Variants in SCN10A observed in about 807,000 individuals in gnomAD.
SCN10A encodes the protein sodium voltage-gated channel alpha subunit 10.
SCN10A carries 162 observed loss-of-function variants against 170.7 expected under a neutral mutation model. The ratio of observed to expected loss-of-function variants is 0.95; its 90% CI spans 0.84 to 1.08. SCN10A has a LOEUF of 1.08. SCN10A is among the 50% of genes least tolerant of loss of function. SCN10A has a pLI of 0.00. For missense variants in SCN10A, 2,527 were observed against 2,436.9 expected (o/e 1.04, Z -0.78); for synonymous variants, 985 against 904.6 (o/e 1.09, Z -1.59).
rs1263946534 is a variant in SCN10A, at chr3:38,752,367, G to A, written c.1607C>T (p.Ser536Phe). Reference protein sequence around the residue: ...FPGDHESHRGSLLLGGGAGQQ... With the variant: ...FPGDHESHRGFLLLGGGAGQQ... ...GCCAGCACCCCCACCCAGCAGCAGA[G>A]AGCCCCGATGGCTTTCGTGGTCTCC... The change falls in exon 12 of 28, where the codon TCT (serine) becomes TTT (phenylalanine). Residue 536 changes from serine (S) to phenylalanine (F), a missense_variant. Physicochemically the swap from Ser to Phe is radical, Grantham distance 155. Transcript: ENST00000449082. 2.5e-6 allele frequency: 4 copies of A among 1,613,964 alleles called. No homozygotes were observed. The highest frequency in any genetic ancestry group is 3.4e-6 in the Non-Finnish European group (4 of 1,179,942).
At position 38,788,004 on chromosome 3, in the gene SCN10A, T is replaced by C. The variant is rs543651491; in HGVS notation, c.470+952A>G. 2.0e-5 allele frequency among the ~76,000 whole-genome samples: 3 copies of C among 152,212 alleles called. No individual in the cohort carries two copies. The South Asian group carries it at 6.2e-4, about 32-fold the overall frequency. On this transcript the variant is annotated intron_variant, in intron 4 of 27. Coordinates refer to ENST00000449082, the MANE Select transcript of SCN10A (RefSeq NM_006514.4). ...CTGCAAAGGACATGAACTCATCCTT[T>C]TTTATGACTGCATAGCATTCCATGG...
chr3:38,753,704 T>A (rs1353281867), intron 11 of SCN10A, among the ~76,000 whole-genome samples: 1 of 152,186 alleles, frequency 6.6e-6, no homozygotes, highest in Non-Finnish European at 1.5e-5. Flanking sequence ...AATACTACAT[T>A]ATTTGCACTT....
intron 15 of SCN10A, among the ~76,000 whole-genome samples, chr3:38,734,469 C>T (rs2063540234): frequency 1.3e-5 from 2 of 152,188 alleles, no homozygotes; most frequent in Admixed American, 6.5e-5. Flanking sequence ...CAAACTAAAT[C>T]TTCCAATGTA....
chr3:38,698,637 T>C, intron 27 of SCN10A, 75 bp from the exon 28 acceptor site: 1 of 1,426,210 alleles, frequency 7.0e-7, no homozygotes, highest in Non-Finnish European at 9.7e-7. Context: ...GTGATGACAC[T>C]CTGCTTTGCT....
intron 15 of SCN10A, among the ~76,000 whole-genome samples, chr3:38,736,977 T>TG (rs1445021972): frequency 2.8e-5 from 3 of 108,716 alleles, no homozygotes; most frequent in African/African-American, 7.3e-5. Flanking sequence ...TTTTTTTTTT[T>TG]TTTTTTTTTT....
chr3:38,709,353 C>T, intron 25 of SCN10A, 125 bp downstream of exon 25: 1 of 977,538 alleles, frequency 1.0e-6, no homozygotes, highest in South Asian at 1.9e-5. Flanking sequence ...AGGGTTAGCA[C>T]TGATATTAAA....
chr3:38,709,595 C>T lies in SCN10A; in HGVS notation c.4164G>A (p.Trp1388Ter), dbSNP rs756253735. Residue 1388 changes from tryptophan (W) to a stop codon, truncating the protein, a stop_gained, in exon 25 of 28, where the codon TGG (tryptophan) becomes TGA (stop). Coordinates refer to ENST00000449082, the MANE Select transcript of SCN10A (RefSeq NM_006514.4). LOFTEE classifies it high-confidence loss of function. ...ACAAATACATGTACACGTTGTCCTCCCACTTGGGTTGCATGTTGACCTGTG... is the reference window on the plus strand; with the variant it reads ...ACAAATACATGTACACGTTGTCCTCTCACTTGGGTTGCATGTTGACCTGTG... ...DSREVNMQPK[W>*]EDNVYMYLYF... 1.6e-5 allele frequency: 25 copies of T among 1,606,000 alleles called. 1 individual carries two copies. The highest frequency in any genetic ancestry group is 2.0e-5 in the Non-Finnish European group (24 of 1,176,262).
At chr3:38,699,207 T>G (rs1021786928) in intron 27 of SCN10A, among the ~76,000 whole-genome samples, 1 of 151,844 alleles carries the variant, frequency 6.6e-6, no homozygotes, top group Non-Finnish European at 1.5e-5. Flanking sequence ...TGTTTTTTTT[T>G]TTTTTTTTTC....
chr3:38,757,463 G>A (rs953642812), intron 8 of SCN10A, among the ~76,000 whole-genome samples: 5 of 152,226 alleles, frequency 3.3e-5, no homozygotes, highest in Non-Finnish European at 5.9e-5. Context: ...ATGAGAGTCA[G>A]TAGCAATAAC....
At chr3:38,748,192 G>A (rs576055087) in intron 13 of SCN10A, among the ~76,000 whole-genome samples, 1 of 152,200 alleles carries the variant, frequency 6.6e-6, no homozygotes, top group Admixed American at 6.5e-5. Context: ...CAAAAACCAA[G>A]AAACCTATCT....
intron 4 of SCN10A, among the ~76,000 whole-genome samples, chr3:38,774,683 C>G (rs1389889378): frequency 6.6e-6 from 1 of 152,178 alleles, no homozygotes; most frequent in African/African-American, 2.4e-5. Context: ...AGATACCCAA[C>G]TTGTATTCAT....
chr3:38,760,438 C>G (rs973292350), intron 8 of SCN10A, among the ~76,000 whole-genome samples: 1 of 152,212 alleles, frequency 6.6e-6, no homozygotes, highest in Admixed American at 6.5e-5. Flanking sequence ...AATGCTGATG[C>G]ACAGAATCAT....
At position 38,752,777 on chromosome 3, in the gene SCN10A, T is replaced by C. The variant is rs7431144; in HGVS notation, c.1462-265A>G. On this transcript the variant is annotated intron_variant, in intron 11 of 27. Coordinates refer to ENST00000449082, the MANE Select transcript of SCN10A (RefSeq NM_006514.4). ...ATGCTCAGCAAATAGGTTATCATGG[T>C]CAGGAACATGTCAGAGGAAACCTTG... 0.17 allele frequency among the ~76,000 whole-genome samples: 26,317 copies of C among 152,164 alleles called. 3,366 individuals are homozygous for C. Among genetic ancestry groups the C allele is most frequent in the East Asian group, 0.39 (1,999 of 5,164 alleles).
At chr3:38,763,629 A>C (rs1415957809) in intron 5 of SCN10A, 33 bp from the exon 6 acceptor site, 13 of 1,527,264 alleles carry the variant, frequency 8.5e-6, no homozygotes, top group Non-Finnish European at 1.2e-5. Context: ...GCATCTCTGC[A>C]AGCAAGGGTC....
rs1237016409 is a variant in SCN10A at position 38,697,087 on chromosome 3, T to A, written c.*262A>T. 3.3e-5 allele frequency: 17 copies of A among 510,680 alleles called. No homozygotes were observed. Among genetic ancestry groups the A allele is most frequent in the Admixed American group, 1.3e-4 (4 of 30,128 alleles). 31.6% of individuals were successfully genotyped at this position (510,680 alleles called of 1,614,324 possible). A position where few individuals can be genotyped will look rare whatever the true frequency, so the allele number is the denominator to read the frequency against. Reference sequence around the variant, plus strand: ...AAATAAAAGGACAAGGGATATTTTCTGGAGAGTAAGAGAACCCATGATCTG... The same window carrying A: ...AAATAAAAGGACAAGGGATATTTTCAGGAGAGTAAGAGAACCCATGATCTG... On this transcript the variant is annotated 3_prime_UTR_variant, in exon 28 of 28. Transcript: ENST00000449082.
chr3:38,745,811 C>T (rs73826323), intron 13 of SCN10A, among the ~76,000 whole-genome samples: 6,467 of 151,950 alleles, frequency 0.043, 221 homozygotes, highest in East Asian at 0.15. Context: ...AATTTTTACT[C>T]TTGGCTCTGC....
chr3:38,770,218 C>T (rs1323291873), intron 5 of SCN10A, among the ~76,000 whole-genome samples: 1 of 152,152 alleles, frequency 6.6e-6, no homozygotes, highest in Non-Finnish European at 1.5e-5. Flanking sequence ...TTCAAGAGAG[C>T]ACTAGTGCAT....
Position 38,792,107 on chromosome 3 carries a change from C to T in SCN10A, c.332G>A (p.Trp111Ter). Residue 111 changes from tryptophan (W) to a stop codon, truncating the protein, a stop_gained, in exon 3 of 28, where the codon TGG becomes TAG. Transcript: ENST00000449082. LOFTEE classifies it high-confidence loss of function. ...GATCAGGTTGAAAGGACTGAATAGC[C>T]ACAGGGCCCGAGTGGCACTAAACCG... ...ISRFSATRAL[W>*]LFSPFNLIRR... is the part of the protein sequence containing the mutation. 6.2e-7 allele frequency: 1 copy of T among 1,613,882 alleles called. No individual in the cohort carries two copies. The highest frequency in any genetic ancestry group is 1.1e-5 in the South Asian group (1 of 91,072).
At chr3:38,766,173 T>C (rs193244433) in intron 5 of SCN10A, among the ~76,000 whole-genome samples, 7 of 152,218 alleles carry the variant, frequency 4.6e-5, no homozygotes, top group Admixed American at 3.9e-4. Context: ...GATCATATCA[T>C]TGGTGAACAG....
Sources: gnomAD v4.1 joint callset for allele counts (sites outside exome capture counted in the v4.1 genomes callset) on GRCh38, gnomAD v4.1.1 for gene constraint, MANE v1.5 for transcripts, NCBI Gene and HGNC (gene_info 2026-07-23, HGNC 2026-07-21) for gene names.